The following ATP8B1 variants were observed in gnomAD, a reference collection of about 807,000 sequenced individuals.
ATP8B1 encodes ATPase phospholipid transporting 8B1, also known as phospholipid-transporting ATPase IC.
In ATP8B1, 80 loss-of-function variants were observed where a neutral mutation model predicts 149.9. The observed-to-expected ratio is 0.53, with a 90% CI of 0.45 to 0.64. The LOEUF is 0.64. ATP8B1 is among the 30% of genes least tolerant of loss of function. ATP8B1 has a pLI of 0.00. For missense variants in ATP8B1, 1,247 were observed against 1,552.6 expected, an observed-to-expected ratio of 0.80 and a Z score of 3.31; for synonymous variants, 536 against 562.8, an observed-to-expected ratio of 0.95 and a Z score of 0.67.
chr18:57,731,913 G>A (rs1423491242), intron 1 of ATP8B1, 81 bp from the exon 2 acceptor site: 1 of 1,245,354 alleles, frequency 8.0e-7, no homozygotes, highest in Non-Finnish European at 1.2e-6. Context: ...CTGCTACAAT[G>A]CCCCTTTTAC....
chr18:57,671,949 A>G (rs1250705917), intron 16 of ATP8B1, among the ~76,000 whole-genome samples: 1 of 152,216 alleles, frequency 6.6e-6, no homozygotes, highest in Admixed American at 6.5e-5. Context: ...AGAAAACTAC[A>G]TTTATAAAGT....
At chr18:57,686,509 C>G (rs547893069) in intron 13 of ATP8B1, among the ~76,000 whole-genome samples, 1 of 152,198 alleles carries the variant, frequency 6.6e-6, no homozygotes, top group South Asian at 2.1e-4. Context: ...CAACCTCCAC[C>G]TCCCGGGTTC....
chr18:57,758,896 G>T (rs9962673), intron 1 of ATP8B1, among the ~76,000 whole-genome samples: 66,652 of 151,228 alleles, frequency 0.44, 15,058 homozygotes, highest in Middle Eastern at 0.51. Flanking sequence ...GGTAGCTCAC[G>T]CCTGTAATCC....
intron 2 of ATP8B1, among the ~76,000 whole-genome samples, chr18:57,723,848 T>A (rs968403835): frequency 6.7e-6 from 1 of 149,308 alleles, no homozygotes; most frequent in African/African-American, 2.5e-5. Context: ...GACTTCAAAC[T>A]ATACTACAAG....
chr18:57,653,088 C>T (rs1172641979), intron 24 of ATP8B1, among the ~76,000 whole-genome samples: 2 of 152,102 alleles, frequency 1.3e-5, no homozygotes, highest in Non-Finnish European at 2.9e-5. Flanking sequence ...TTTTCTCATA[C>T]AAGTTGATGA....
chr18:57,647,783 G>A lies in ATP8B1; in HGVS notation c.*705C>T, dbSNP rs1909269814. 7 of 154,212 alleles carry A rather than the reference G, an allele frequency of 4.5e-5. No homozygotes were observed. The South Asian group carries it at 1.4e-3, about 31-fold the overall frequency. The allele number at this position is 154,212 out of a possible 1,614,324, so 9.6% of individuals were successfully genotyped here. On this transcript the variant is annotated 3_prime_UTR_variant, in exon 28 of 28. Coordinates refer to ENST00000648908, the MANE Select transcript of ATP8B1 (RefSeq NM_001374385.1). ...TTTTGAGCTGGTGTCTCACTCTGTTGCTCAGGTTGGAGTGCAGTGCCACGA... is the reference window on the plus strand; with the variant it reads ...TTTTGAGCTGGTGTCTCACTCTGTTACTCAGGTTGGAGTGCAGTGCCACGA...
In ATP8B1 at chr18:57,655,274, G is replaced by A; in HGVS notation, c.2851C>T (p.Leu951=). 1.2e-6 allele frequency: 2 copies of A among 1,614,204 alleles called. No individual in the cohort carries two copies. Among genetic ancestry groups the A allele is most frequent in the Non-Finnish European group, 1.7e-6 (2 of 1,180,030 alleles). ...RWSYIRMCKF[L]RYFFYKNFAF... is the part of the protein sequence containing the mutation. Reference sequence around the variant, plus strand: ...AAGTTTTTGTAAAAGAAGTATCGTAGGAACTTGCACATCCTTATGTAAGAC... The same window carrying A: ...AAGTTTTTGTAAAAGAAGTATCGTAAGAACTTGCACATCCTTATGTAAGAC... Residue 951 remains leucine (L), a synonymous_variant, in exon 23 of 28, where the codon CTA becomes TTA. Transcript: ENST00000648908.
chr18:57,730,834 T>TATAC (rs1432346014), intron 2 of ATP8B1, among the ~76,000 whole-genome samples: 2 of 756 alleles, frequency 2.6e-3, no homozygotes, highest in African/African-American at 6.1e-3. Flanking sequence ...TATATATATA[T>TATAC]ACACACACAC....
At chr18:57,752,026 C>T (rs1168963009) in intron 1 of ATP8B1, among the ~76,000 whole-genome samples, 6 of 151,626 alleles carry the variant, frequency 4.0e-5, no homozygotes, top group South Asian at 4.2e-4. Flanking sequence ...GGCAACATGG[C>T]GAAACCCTAT....
intron 2 of ATP8B1, 135 bp from the exon 3 acceptor site, chr18:57,706,722 C>T (rs1913415924): frequency 1.4e-6 from 1 of 738,028 alleles, no homozygotes. Flanking sequence ...TTGGAAACTG[C>T]TCATTGCAGA....
At chr18:57,658,065 G>C (rs201093380) in intron 22 of ATP8B1, among the ~76,000 whole-genome samples, 61 of 139,120 alleles carry the variant, frequency 4.4e-4, no homozygotes, top group African/African-American at 1.5e-3. Context: ...TTTTTTTTTT[G>C]AGATGGAGTC....
intron 1 of ATP8B1, among the ~76,000 whole-genome samples, chr18:57,733,485 T>G (rs910709333): frequency 6.6e-5 from 10 of 152,030 alleles, no homozygotes; most frequent in Admixed American, 5.2e-4. Flanking sequence ...GGTGGGCGGA[T>G]CACGAGGTCA....
rs1470940828 is a variant in ATP8B1, at chr18:57,701,267, G to A, written c.440C>T (p.Pro147Leu). 6.2e-7 allele frequency: 1 copy of A among 1,614,146 alleles called. No homozygotes were observed. Among genetic ancestry groups the A allele is most frequent in the Admixed American group, 1.7e-5 (1 of 60,018 alleles). The change falls in exon 5 of 28, where the codon CCC (proline) becomes CTC (leucine). Residue 147 changes from proline (P) to leucine (L), a missense_variant. This residue lies in a region of ATP8B1 where 853 missense variants were observed against 1,035.7 expected (regional missense o/e 0.82). Coordinates refer to ENST00000648908, the MANE Select transcript of ATP8B1 (RefSeq NM_001374385.1). Reference protein sequence around the residue: ...STLAWYTTLVPLLVVLGVTAI... With the variant: ...STLAWYTTLVLLLVVLGVTAI... ...AGTGACGCCCAGCACCACAAGCAGG[G>A]GCACTAGTGTGGTGTACCAAGCCAG... is the stretch of plus-strand genomic sequence containing the variant.
intron 2 of ATP8B1, among the ~76,000 whole-genome samples, chr18:57,719,500 G>T (rs2079617190): frequency 6.6e-6 from 1 of 151,974 alleles, no homozygotes; most frequent in African/African-American, 2.4e-5. Context: ...AGGGGTGACG[G>T]ACGCACCTGG....
chr18:57,756,208 TATACACAC>T lies in ATP8B1; in HGVS notation c.-25-24384_-25-24377del, dbSNP rs1388726286. Among the ~76,000 whole-genome samples the T allele has an allele frequency of 4.7e-5, 4 of 84,740 alleles. No homozygotes were observed. In the South Asian group the frequency reaches 1.1e-3, roughly 22 times the overall value. 55.6% of individuals were successfully genotyped at this position (84,740 alleles called of 152,430 possible). On this transcript the variant is annotated intron_variant, in intron 1 of 27. Transcript: ENST00000648908. ...TTTCCACAACATATATATATATATA[TATACACAC>T]ACACACACACACACACACACATATA... is the stretch of plus-strand genomic sequence containing the variant.
chr18:57,702,875 A>G (rs1388301574), intron 4 of ATP8B1, among the ~76,000 whole-genome samples: 89 of 148,658 alleles, frequency 6.0e-4, no homozygotes, highest in African/African-American at 1.9e-3. Context: ...AAAAAAAAAG[A>G]GAGAGAGAAG....
intron 17 of ATP8B1, among the ~76,000 whole-genome samples, chr18:57,670,345 T>A (rs1159182469): frequency 6.8e-6 from 1 of 146,978 alleles, no homozygotes; most frequent in Non-Finnish European, 1.5e-5. Context: ...TTTTTTTTCT[T>A]TTTCTTTTTC....
chr18:57,653,904 C>A, intron 24 of ATP8B1, 88 bp downstream of exon 24: 1 of 1,187,032 alleles, frequency 8.4e-7, no homozygotes, highest in South Asian at 1.3e-5. Context: ...AAGTAAACAC[C>A]AGAAGAATGC....
intron 1 of ATP8B1, among the ~76,000 whole-genome samples, chr18:57,766,793 A>G (rs2080214949): frequency 6.6e-6 from 1 of 152,146 alleles, no homozygotes; most frequent in African/African-American, 2.4e-5. Context: ...GTGTGCTGTG[A>G]TGGGAATCCA....
Sources: allele counts gnomAD v4.1 joint callset (sites outside exome capture counted in the v4.1 genomes callset), GRCh38; gene constraint gnomAD v4.1.1; regional missense constraint gnomAD v4.1.1; transcripts MANE v1.5; gene names NCBI Gene and HGNC (gene_info 2026-07-23, HGNC 2026-07-21).